AMMECR1L: variants seen among roughly 807,000 people sequenced by gnomAD.
The protein encoded by AMMECR1L is AMMECR1-like protein.
A neutral mutation model predicts 36.8 loss-of-function variants in AMMECR1L; 4 were observed. That is an observed-to-expected ratio of 0.11 (90% CI 0.05 to 0.25). The LOEUF is 0.25. AMMECR1L is among the 10% of genes least tolerant of loss of function. AMMECR1L has a pLI of 1.00. For synonymous variants in AMMECR1L, 147 were observed against 148.0 expected, an observed-to-expected ratio of 0.99 and a Z score of 0.05; for missense variants, 232 against 392.1, an observed-to-expected ratio of 0.59 and a Z score of 3.45.
rs1691089205 is a variant in AMMECR1L, at chr2:127,873,558, A to G, written c.407+270T>C. 1.0e-6 allele frequency: 1 copy of G among 985,468 alleles called. No individual in the cohort carries two copies. The highest frequency in any genetic ancestry group is 1.2e-6 in the Non-Finnish European group (1 of 829,940). 61.0% of individuals were successfully genotyped at this position (985,468 alleles called of 1,614,324 possible). On this transcript the variant is annotated intron_variant, in intron 3 of 7. Coordinates refer to ENST00000272647, the MANE Select transcript of AMMECR1L (RefSeq NM_001199140.2). The surrounding 1 kb of genome is among the most constrained non-coding windows in gnomAD (Gnocchi z 5.2). ...TGCCATACCCACTGCCATGTGAACC[A>G]ACAGAAGAGCCAAGAATGAACTCAC... is the stretch of plus-strand genomic sequence containing the variant.
Position 127,865,062 on chromosome 2 carries a change from CG to C in AMMECR1L, c.*31del. ...ATGATGTCATAGCCATTGGTGGCCA[CG>C]GGGGGGTGGGACTGGTCATGCAGCC... is the stretch of plus-strand genomic sequence containing the variant. On this transcript the variant is annotated 3_prime_UTR_variant, in exon 8 of 8. Coordinates refer to ENST00000272647, the MANE Select transcript of AMMECR1L (RefSeq NM_001199140.2). This position sits in a 1 kb window ranked among gnomAD's most constrained non-coding sequence, Gnocchi z 5.4. The C allele has an allele frequency of 1.9e-5, 29 of 1,528,998 alleles. No individual in the cohort carries two copies. Among genetic ancestry groups the C allele is most frequent in the African/African-American group, 4.1e-5 (3 of 72,798 alleles). The allele number at this position is 1,528,998 out of a possible 1,614,324, so 94.7% of individuals were successfully genotyped here. A position where few individuals can be genotyped will look rare whatever the true frequency, so the allele number is the denominator to read the frequency against.
At chr2:127,881,042 C>G (rs1376781321) in intron 2 of AMMECR1L, among the ~76,000 whole-genome samples, 1 of 152,066 alleles carries the variant, frequency 6.6e-6, no homozygotes. Context: ...CTTCTTGGTC[C>G]AATGTATGCT....
Position 127,885,383 on chromosome 2 carries a change from G to A in AMMECR1L, c.-149+427C>T, listed in dbSNP as rs923051822. 13 of 980,608 alleles carry A rather than the reference G, an allele frequency of 1.3e-5. No homozygotes were observed. In the South Asian group the frequency reaches 2.4e-4, roughly 18 times the overall value. The allele number at this position is 980,608 out of a possible 1,614,324, so 60.7% of individuals were successfully genotyped here. ...GTAGAGCAGCTTGGGCCGAGCCGCG[G>A]GGGTGGAATCCAGACGCCGGGCGGG... On this transcript the variant is annotated intron_variant, in intron 1 of 7. Coordinates refer to ENST00000272647, the MANE Select transcript of AMMECR1L (RefSeq NM_001199140.2).
rs1224045178 is a variant in AMMECR1L at position 127,871,792 on chromosome 2, T to C, written c.408-433A>G. Among the ~76,000 whole-genome samples, 1 of 152,196 alleles carries C rather than the reference T, an allele frequency of 6.6e-6. No homozygotes were observed. Among genetic ancestry groups the C allele is most frequent in the African/African-American group, 2.4e-5 (1 of 41,450 alleles). On this transcript the variant is annotated intron_variant, in intron 3 of 7. Coordinates refer to ENST00000272647, the MANE Select transcript of AMMECR1L (RefSeq NM_001199140.2). The surrounding 1 kb of genome is among the most constrained non-coding windows in gnomAD (Gnocchi z 4.3). ...AGCCCCGTTCATCTGCAAACCCATG[T>C]TGCTTCCATGATCATGTCTGCCCCT...
rs1442303780 is a variant in AMMECR1L, at chr2:127,869,286, T to C, written c.724+168A>G. Reference sequence around the variant, plus strand: ...GCTTTTCCCAGCTCCTAAACCTTTTTGGAAGTTTACCCTTGGTTCTATAGG... The same window carrying C: ...GCTTTTCCCAGCTCCTAAACCTTTTCGGAAGTTTACCCTTGGTTCTATAGG... On this transcript the variant is annotated intron_variant, in intron 6 of 7. Transcript: ENST00000272647. This position sits in a 1 kb window ranked among gnomAD's most constrained non-coding sequence, Gnocchi z 4.7. Among the ~76,000 whole-genome samples the C allele has an allele frequency of 2.6e-5, 4 of 152,200 alleles. No individual in the cohort carries two copies. The highest frequency in any genetic ancestry group is 9.7e-5 in the African/African-American group (4 of 41,438).
intron 1 of AMMECR1L, chr2:127,885,150 G>A: frequency 2.0e-6 from 2 of 985,224 alleles, no homozygotes; most frequent in Non-Finnish European, 2.4e-6. Context: ...GGGGCCAGCG[G>A]AGGTTAAGGA....
intron 1 of AMMECR1L, 73 bp downstream of exon 1, chr2:127,885,737 A>G: frequency 1.0e-6 from 1 of 979,246 alleles, no homozygotes; most frequent in Non-Finnish European, 1.2e-6. Context: ...CCCGGCGGGC[A>G]AGGCGGCGGC....
Position 127,871,416 on chromosome 2 carries a change from C to T in AMMECR1L, c.408-57G>A, listed in dbSNP as rs973962946. 2.6e-6 allele frequency: 4 copies of T among 1,548,468 alleles called. No individual in the cohort carries two copies. In the African/African-American group the frequency reaches 5.5e-5, roughly 21 times the overall value. ...GCCCCAAATTAATCATGGATAAGAA[C>T]AAAACCTTTTGGCTTTGTCCCTATT... On this transcript the variant is annotated intron_variant, in intron 3 of 7. Coordinates refer to ENST00000272647, the MANE Select transcript of AMMECR1L (RefSeq NM_001199140.2). The surrounding 1 kb of genome is among the most constrained non-coding windows in gnomAD (Gnocchi z 4.3).
In AMMECR1L at chr2:127,885,677, G is replaced by A. The variant is rs369168053; in HGVS notation, c.-149+133C>T. 33 of 983,878 alleles carry A rather than the reference G, an allele frequency of 3.4e-5. No individual in the cohort carries two copies. In the South Asian group the frequency reaches 1.1e-3, roughly 34 times the overall value. The allele number at this position is 983,878 out of a possible 1,614,324, so 60.9% of individuals were successfully genotyped here. A position where few individuals can be genotyped will look rare whatever the true frequency, so the allele number is the denominator to read the frequency against. Reference sequence around the variant, plus strand: ...CCGCTGCCCCCGGACCCTCGCCCCAGGACCGCGGGGTCTCTTCCCGGCCCC... The same window carrying A: ...CCGCTGCCCCCGGACCCTCGCCCCAAGACCGCGGGGTCTCTTCCCGGCCCC... On this transcript the variant is annotated intron_variant, in intron 1 of 7. Transcript: ENST00000272647.
chr2:127,878,317 G>A (rs1018691594), intron 2 of AMMECR1L, among the ~76,000 whole-genome samples: 1 of 152,122 alleles, frequency 6.6e-6, no homozygotes, highest in Non-Finnish European at 1.5e-5. Flanking sequence ...TAGAGATACA[G>A]GTCAGATGAA....
rs1368664905 is a variant in AMMECR1L at position 127,865,244 on chromosome 2, A to C, written c.822-39T>G. ...CAGGAAAGGGTATTAGGAACCCCAA[A>C]CGCTTCATTTTGTAAAGTCACTCAG... On this transcript the variant is annotated intron_variant, in intron 7 of 7. Transcript: ENST00000272647. This position sits in a 1 kb window ranked among gnomAD's most constrained non-coding sequence, Gnocchi z 5.4. 6.9e-7 allele frequency: 1 copy of C among 1,459,258 alleles called. No homozygotes were observed. 90.4% of individuals were successfully genotyped at this position (1,459,258 alleles called of 1,614,324 possible). A position where few individuals can be genotyped will look rare whatever the true frequency, so the allele number is the denominator to read the frequency against.
At chr2:127,876,372 G>T (rs1252672762) in intron 2 of AMMECR1L, among the ~76,000 whole-genome samples, 1 of 150,416 alleles carries the variant, frequency 6.6e-6, no homozygotes, top group Non-Finnish European at 1.5e-5. Flanking sequence ...AAAAAAAGGT[G>T]GTAGGGGGGC....
rs765276254 is a variant in AMMECR1L, at chr2:127,885,071, G to A, written c.-149+739C>T. 30 of 784,080 alleles carry A rather than the reference G, an allele frequency of 3.8e-5. No individual in the cohort carries two copies. In the African/African-American group the frequency reaches 5.0e-4, roughly 13 times the overall value. 48.6% of individuals were successfully genotyped at this position (784,080 alleles called of 1,614,324 possible). On this transcript the variant is annotated intron_variant, in intron 1 of 7. Coordinates refer to ENST00000272647, the MANE Select transcript of AMMECR1L (RefSeq NM_001199140.2). The stretch of plus-strand genomic sequence containing the variant: ...GAATGTAGGAGGGCAAGGAGTGAAG[G>A]GCACAACCCACAGCCTGGGAAAGAG...
Position 127,871,001 on chromosome 2 carries a change from CA to C in AMMECR1L, c.519-74del. On this transcript the variant is annotated intron_variant, in intron 4 of 7. Transcript: ENST00000272647. The surrounding 1 kb of genome is among the most constrained non-coding windows in gnomAD (Gnocchi z 4.3). ...CCAATATCAGGTGCCATAGAGCCCA[CA>C]TATTTATGAATCTTGAGCTATGCAG... 8.5e-7 allele frequency: 1 copy of C among 1,173,500 alleles called. No individual in the cohort carries two copies. Among genetic ancestry groups the C allele is most frequent in the South Asian group, 1.5e-5 (1 of 68,936 alleles). 72.7% of individuals were successfully genotyped at this position (1,173,500 alleles called of 1,614,324 possible). A position where few individuals can be genotyped will look rare whatever the true frequency, so the allele number is the denominator to read the frequency against.
At position 127,869,521 on chromosome 2, in the gene AMMECR1L, A is replaced by C; in HGVS notation, c.657T>G (p.Ile219Met). 1 of 1,614,092 alleles carries C rather than the reference A, an allele frequency of 6.2e-7. No homozygotes were observed. The highest frequency in any genetic ancestry group is 8.5e-7 in the Non-Finnish European group (1 of 1,179,948). The stretch of plus-strand genomic sequence containing the variant: ...TGACACCTTTTTCATTAATGAATTC[A>C]ATTCGAATCCCATGGACCCCTACCT... ...DWEVGVHGIR[I>M]EFINEKGVKR... The change falls in exon 6 of 8, where the codon ATT becomes ATG. Residue 219 changes from isoleucine to methionine, a missense_variant. Physicochemically the swap from Ile to Met is conservative, Grantham distance 10 (BLOSUM62 1). Around this residue, in one of 3 missense-constraint regions of AMMECR1L, gnomAD observed 83 missense variants for 229.5 expected, o/e 0.36. Coordinates refer to ENST00000272647, the MANE Select transcript of AMMECR1L (RefSeq NM_001199140.2). The surrounding 1 kb of genome is among the most constrained non-coding windows in gnomAD (Gnocchi z 4.7).
At position 127,873,695 on chromosome 2, in the gene AMMECR1L, T is replaced by A; in HGVS notation, c.407+133A>T. ...GTTTTAAATATTCTCTGGACATTTC[T>A]TATCATTCTCTTCCCATTACCCTTT... is the stretch of plus-strand genomic sequence containing the variant. On this transcript the variant is annotated intron_variant, in intron 3 of 7. Transcript: ENST00000272647. This position sits in a 1 kb window ranked among gnomAD's most constrained non-coding sequence, Gnocchi z 5.2. 1 of 1,559,936 alleles carries A rather than the reference T, an allele frequency of 6.4e-7. No individual in the cohort carries two copies. The highest frequency in any genetic ancestry group is 8.6e-7 in the Non-Finnish European group (1 of 1,164,920).
At position 127,873,207 on chromosome 2, in the gene AMMECR1L, A is replaced by G. The variant is rs1691070975; in HGVS notation, c.407+621T>C. On this transcript the variant is annotated intron_variant, in intron 3 of 7. Transcript: ENST00000272647. The surrounding 1 kb of genome is among the most constrained non-coding windows in gnomAD (Gnocchi z 5.2). ...CAATTCTGAGGAAGAAGAAAATGCTAGCATGGAATTCTTCAGTTTACTTTA... is the reference window on the plus strand; with the variant it reads ...CAATTCTGAGGAAGAAGAAAATGCTGGCATGGAATTCTTCAGTTTACTTTA... 1.0e-6 allele frequency: 1 copy of G among 985,368 alleles called. No individual in the cohort carries two copies. The highest frequency in any genetic ancestry group is 4.7e-5 in the South Asian group (1 of 21,296). The allele number at this position is 985,368 out of a possible 1,614,324, so 61.0% of individuals were successfully genotyped here. A position where few individuals can be genotyped will look rare whatever the true frequency, so the allele number is the denominator to read the frequency against.
rs144565814 is a variant in AMMECR1L, at chr2:127,864,696, C to T, written c.*398G>A. The T allele has an allele frequency of 7.1e-3, 1,113 of 156,562 alleles. 9 individuals are homozygous for T. Among genetic ancestry groups the T allele is most frequent in the Middle Eastern group, 9.5e-3 (3 of 316 alleles). The allele number at this position is 156,562 out of a possible 1,614,324, so 9.7% of individuals were successfully genotyped here. ...TGCCCAGACTGCCAGGGGAATACAC[C>T]TACTTCATCTGGGGAGGCTGCAGGG... On this transcript the variant is annotated 3_prime_UTR_variant, in exon 8 of 8. Transcript: ENST00000272647.
chr2:127,867,721 G>A lies in AMMECR1L; in HGVS notation c.725-725C>T, dbSNP rs559278788. 2.2e-3 allele frequency among the ~76,000 whole-genome samples: 331 copies of A among 152,092 alleles called. 1 individual carries two copies. The highest frequency in any genetic ancestry group is 7.4e-3 in the African/African-American group (308 of 41,494). On this transcript the variant is annotated intron_variant, in intron 6 of 7. Transcript: ENST00000272647. ...GGATCACACCACCGCACTCCAGCCT[G>A]GGTGACAGGAGGAGACCCTGTCTTA... is the stretch of plus-strand genomic sequence containing the variant.
Sources: gnomAD v4.1 joint callset for allele counts (sites outside exome capture counted in the v4.1 genomes callset) on GRCh38, gnomAD v4.1.1 for gene constraint, gnomAD v4.1.1 regional missense constraint, Gnocchi (gnomAD v3.1) non-coding constraint, MANE v1.5 for transcripts, NCBI Gene and HGNC (gene_info 2026-07-23, HGNC 2026-07-21) for gene names.